Variants in FHIT observed in about 807,000 individuals in gnomAD.
FHIT encodes the protein fragile histidine triad diadenosine triphosphatase.
A neutral mutation model predicts 17.9 loss-of-function variants in FHIT; 19 were observed. The observed-to-expected ratio is 1.06, with a 90% CI of 0.74 to 1.56. FHIT has a LOEUF of 1.56. FHIT is among the 40% of genes most tolerant of loss of function. The probability of loss-of-function intolerance (pLI) is 0.00; values close to 1 mark genes in which losing one functional copy is unlikely to be tolerated. For synonymous variants in FHIT, 81 were observed against 69.7 expected (o/e 1.16, Z -0.81); for missense variants, 248 against 189.2 (o/e 1.31, Z -1.82).
At chr3:60,694,286 C>A (rs1553700092) in intron 4 of FHIT, among the ~76,000 whole-genome samples, 1 of 147,744 alleles carries the variant, frequency 6.8e-6, no homozygotes, top group East Asian at 2.0e-4. Context: ...CAATGTGAAG[C>A]AACATTAAAT....
At position 60,098,080 on chromosome 3, in the gene FHIT, G is replaced by A. The variant is rs1013886260; in HGVS notation, c.104-83928C>T. On this transcript the variant is annotated intron_variant, in intron 5 of 9. Coordinates refer to ENST00000492590, the MANE Select transcript of FHIT (RefSeq NM_002012.4). ...TTATGGCTGCATAGTATTCCATGGT[G>A]TATATGTGCCACGTTTTCTTAATCC... 8.0e-4 allele frequency among the ~76,000 whole-genome samples: 121 copies of A among 151,198 alleles called. 1 individual carries two copies. The highest frequency in any genetic ancestry group is 6.8e-3 in the Middle Eastern group (2 of 292).
At chr3:60,808,149 T>C (rs1157309746) in intron 4 of FHIT, among the ~76,000 whole-genome samples, 2 of 152,234 alleles carry the variant, frequency 1.3e-5, no homozygotes, top group African/African-American at 4.8e-5. Context: ...GCATGCAATT[T>C]GCCTTGTCAT....
At chr3:59,898,274 TC>T (rs1394781469) in intron 8 of FHIT, among the ~76,000 whole-genome samples, 1 of 152,170 alleles carries the variant, frequency 6.6e-6, no homozygotes, top group Non-Finnish European at 1.5e-5. Context: ...TGGGTCCCAT[TC>T]CCAAGATATC....
At chr3:59,757,482 G>C (rs938320062) in intron 8 of FHIT, among the ~76,000 whole-genome samples, 3 of 152,102 alleles carry the variant, frequency 2.0e-5, no homozygotes, top group Non-Finnish European at 4.4e-5. Context: ...GGTATATGGG[G>C]TAATGATGAA....
intron 5 of FHIT, among the ~76,000 whole-genome samples, chr3:60,096,917 G>C (rs935194890): frequency 6.6e-6 from 1 of 150,886 alleles, no homozygotes; most frequent in Admixed American, 6.6e-5. Flanking sequence ...ACAGTGGCTT[G>C]TGCCTATAAT....
chr3:60,766,462 C>G (rs1328344725), intron 4 of FHIT, among the ~76,000 whole-genome samples: 1 of 123,130 alleles, frequency 8.1e-6, no homozygotes, highest in Non-Finnish European at 1.7e-5. Flanking sequence ...GTTTTCTTTA[C>G]TTTAGGGAGG....
At chr3:60,684,626 G>A (rs2040821872) in intron 4 of FHIT, among the ~76,000 whole-genome samples, 1 of 152,028 alleles carries the variant, frequency 6.6e-6, no homozygotes, top group South Asian at 2.1e-4. Context: ...CTCTTCCAAG[G>A]AGAGTATTCA....
chr3:61,103,069 T>C (rs2035882742), intron 2 of FHIT, among the ~76,000 whole-genome samples: 1 of 152,234 alleles, frequency 6.6e-6, no homozygotes, highest in Non-Finnish European at 1.5e-5. Context: ...TCTGCTCTGA[T>C]CTTCGTTATT....
chr3:60,475,991 A>T (rs1313557472), intron 5 of FHIT, among the ~76,000 whole-genome samples: 1 of 152,206 alleles, frequency 6.6e-6, no homozygotes, highest in African/African-American at 2.4e-5. Context: ...TGGCACAAGA[A>T]CTGGCATACA....
chr3:59,971,193 G>C (rs1256721435), intron 7 of FHIT, among the ~76,000 whole-genome samples: 1 of 152,102 alleles, frequency 6.6e-6, no homozygotes, highest in African/African-American at 2.4e-5. Flanking sequence ...TTCAGCCTTT[G>C]ACACTCTGAG....
At chr3:60,481,599 A>G (rs2033612526) in intron 5 of FHIT, among the ~76,000 whole-genome samples, 1 of 152,188 alleles carries the variant, frequency 6.6e-6, no homozygotes, top group Non-Finnish European at 1.5e-5. Flanking sequence ...TAAGAGAAAT[A>G]AAATCCTTTC....
At chr3:60,048,461 T>A (rs1455074615) in intron 5 of FHIT, among the ~76,000 whole-genome samples, 2 of 152,056 alleles carry the variant, frequency 1.3e-5, no homozygotes, top group African/African-American at 4.8e-5. Context: ...CAGGCGTGAG[T>A]CTCTACGACC....
chr3:60,560,480 A>C (rs1299319849), intron 4 of FHIT, among the ~76,000 whole-genome samples: 1 of 152,072 alleles, frequency 6.6e-6, no homozygotes, highest in African/African-American at 2.4e-5. Flanking sequence ...TAGTGCCTGG[A>C]AATTCTGTAA....
chr3:60,664,245 T>C (rs1553691887), intron 4 of FHIT, among the ~76,000 whole-genome samples: 2 of 152,204 alleles, frequency 1.3e-5, no homozygotes, highest in Non-Finnish European at 2.9e-5. Flanking sequence ...ATGAATTTTC[T>C]TCTGTAGCTT....
intron 3 of FHIT, among the ~76,000 whole-genome samples, chr3:60,850,824 C>A (rs960618376): frequency 6.6e-6 from 1 of 152,090 alleles, no homozygotes; most frequent in Non-Finnish European, 1.5e-5. Flanking sequence ...ATTTATATAA[C>A]CTACTCATTA....
At chr3:60,564,884 A>C (rs1331476581) in intron 4 of FHIT, among the ~76,000 whole-genome samples, 3 of 152,184 alleles carry the variant, frequency 2.0e-5, no homozygotes, top group African/African-American at 7.2e-5. Context: ...AAAGACGATT[A>C]ACTCTAATTT....
At chr3:60,903,149 T>C (rs1314950922) in intron 3 of FHIT, among the ~76,000 whole-genome samples, 3 of 152,208 alleles carry the variant, frequency 2.0e-5, no homozygotes, top group African/African-American at 7.2e-5. Context: ...ATGATTATTA[T>C]ACACACAAAA....
At chr3:60,027,910 A>G (rs963127823) in intron 5 of FHIT, among the ~76,000 whole-genome samples, 1 of 152,158 alleles carries the variant, frequency 6.6e-6, no homozygotes, top group Non-Finnish European at 1.5e-5. Flanking sequence ...GCTACTGAGC[A>G]CTTGAAATAT....
chr3:60,171,853 G>A (rs201836811), intron 5 of FHIT, among the ~76,000 whole-genome samples: 1 of 137,740 alleles, frequency 7.3e-6, no homozygotes, highest in African/African-American at 2.7e-5. Flanking sequence ...TTATAACCAT[G>A]TGCCACCCTG....
Sources: gnomAD v4.1 joint callset for allele counts (sites outside exome capture counted in the v4.1 genomes callset) on GRCh38, gnomAD v4.1.1 for gene constraint, MANE v1.5 for transcripts, NCBI Gene and HGNC (gene_info 2026-07-23, HGNC 2026-07-21) for gene names.